KMT5B: variants seen among roughly 807,000 people sequenced by gnomAD.
KMT5B encodes the protein histone-lysine N-methyltransferase KMT5B.
Under a neutral mutation model 83.2 loss-of-function variants are expected in KMT5B, and 10 were observed. The ratio of observed to expected loss-of-function variants is 0.12; its 90% CI spans 0.07 to 0.20. The LOEUF is 0.20. Among genes scored for constraint, KMT5B ranks in the 10% least tolerant of loss-of-function variants. The probability of loss-of-function intolerance (pLI) is 1.00; values close to 1 mark genes in which losing one functional copy is unlikely to be tolerated. For missense variants in KMT5B, 753 were observed against 1,067.2 expected (o/e 0.71, Z 4.10); for synonymous variants, 349 against 388.8 (o/e 0.90, Z 1.20).
chr11:68,213,311 C>T (rs913738294), upstream of KMT5B: 1 of 147,992 alleles, frequency 6.8e-6, no homozygotes. Flanking sequence ...GCGCGGGCCG[C>T]AGCACCGCTC....
intron 1 of KMT5B, among the ~76,000 whole-genome samples, chr11:68,207,239 G>C (rs1043559179): frequency 2.0e-5 from 3 of 151,406 alleles, no homozygotes; most frequent in African/African-American, 7.3e-5. Context: ...ATCATGCCAA[G>C]CTACATCTCC....
At chr11:68,191,688 T>C (rs763692817) in intron 1 of KMT5B, among the ~76,000 whole-genome samples, 1 of 152,092 alleles carries the variant, frequency 6.6e-6, no homozygotes, top group East Asian at 1.9e-4. Flanking sequence ...AGTATTACCA[T>C]AAAAGAGTCA....
chr11:68,203,347 T>G lies in KMT5B; in HGVS notation c.-77+9791A>C, dbSNP rs1368865507. On this transcript the variant is annotated intron_variant, in intron 1 of 10. Coordinates refer to ENST00000304363, the MANE Select transcript of KMT5B (RefSeq NM_017635.5). ...CCATTCATATCACCTTCCCTTTCTA[T>G]TCTCAAACCAACTGCTACACATAAG... Among the ~76,000 whole-genome samples the G allele has an allele frequency of 2.0e-5, 3 of 152,370 alleles. No homozygotes were observed. In the East Asian group the frequency reaches 5.8e-4, roughly 29 times the overall value.
At chr11:68,163,112 T>C (rs1380816065) in intron 10 of KMT5B, among the ~76,000 whole-genome samples, 1 of 152,254 alleles carries the variant, frequency 6.6e-6, no homozygotes, top group African/African-American at 2.4e-5. Context: ...GAGCTTGCTG[T>C]GGCACTTATA....
chr11:68,172,470 C>T (rs1855931687), intron 6 of KMT5B, among the ~76,000 whole-genome samples: 1 of 151,794 alleles, frequency 6.6e-6, no homozygotes, highest in Admixed American at 6.6e-5. Flanking sequence ...TTCTTGACGT[C>T]ATGATCCGCC....
At chr11:68,159,290 G>A (rs536940981) in intron 10 of KMT5B, 119 bp from the exon 11 acceptor site, 17 of 1,373,782 alleles carry the variant, frequency 1.2e-5, no homozygotes, top group South Asian at 1.8e-5. Context: ...CCAACACCAC[G>A]GCTCCTGCTG....
chr11:68,212,816 G>C (rs367642150), intron 1 of KMT5B: 1 of 152,032 alleles, frequency 6.6e-6, no homozygotes, highest in African/African-American at 2.4e-5. Context: ...TTGGAGAAAA[G>C]GGAAAACAGA....
intron 3 of KMT5B, among the ~76,000 whole-genome samples, chr11:68,181,300 C>G (rs1434530634): frequency 6.6e-6 from 1 of 152,114 alleles, no homozygotes; most frequent in Non-Finnish European, 1.5e-5. Context: ...GTGTCGAACA[C>G]CTGACCTCGT....
At chr11:68,193,870 GGCTCACT>G (rs1262294316) in intron 1 of KMT5B, among the ~76,000 whole-genome samples, 2 of 150,242 alleles carry the variant, frequency 1.3e-5, no homozygotes, top group Non-Finnish European at 3.0e-5. Flanking sequence ...GTGTGATGAT[GGCTCACT>G]GTGGCCTCAA....
At chr11:68,175,464 T>A (rs2153056252) in intron 4 of KMT5B, among the ~76,000 whole-genome samples, 1 of 152,346 alleles carries the variant, frequency 6.6e-6, no homozygotes, top group African/African-American at 2.4e-5. Context: ...TTATTTTAAT[T>A]ATTTTTATTT....
chr11:68,157,674 T>A lies in KMT5B; in HGVS notation c.*14A>T. On this transcript the variant is annotated 3_prime_UTR_variant, in exon 11 of 11. Transcript: ENST00000304363. ...TTTAAAGTAGTTATCCCAGGTCAAG[T>A]TAAGACCAAGAGCTTAGGCATTAAG... 6.5e-7 allele frequency: 1 copy of A among 1,527,568 alleles called. No homozygotes were observed. The highest frequency in any genetic ancestry group is 1.3e-5 in the South Asian group (1 of 76,502). The allele number at this position is 1,527,568 out of a possible 1,614,324, so 94.6% of individuals were successfully genotyped here.
chr11:68,164,993 ATAGT>A (rs1281646607), intron 10 of KMT5B, among the ~76,000 whole-genome samples: 9 of 151,698 alleles, frequency 5.9e-5, no homozygotes, highest in Admixed American at 1.3e-4. Context: ...ATAAATATTA[ATAGT>A]TAAATATTAG....
chr11:68,188,436 C>G lies in KMT5B; in HGVS notation c.160+1481G>C, dbSNP rs1432647976. ...CTCGGCTCACTGCAACCTCTAACTC[C>G]TGGGCTCAAGTGATCTTTCCAACCA... is the stretch of plus-strand genomic sequence containing the variant. On this transcript the variant is annotated intron_variant, in intron 2 of 10. Coordinates refer to ENST00000304363, the MANE Select transcript of KMT5B (RefSeq NM_017635.5). Among the ~76,000 whole-genome samples, 5 of 149,642 alleles carry G rather than the reference C, an allele frequency of 3.3e-5. No homozygotes were observed. In the East Asian group the frequency reaches 9.9e-4, roughly 30 times the overall value.
At chr11:68,184,392 T>A (rs1857233274) in intron 3 of KMT5B, among the ~76,000 whole-genome samples, 1 of 152,044 alleles carries the variant, frequency 6.6e-6, no homozygotes, top group South Asian at 2.1e-4. Context: ...GAAAAAAAAA[T>A]TTATGAAAAA....
At chr11:68,210,543 T>G (rs1435730630) in intron 1 of KMT5B, among the ~76,000 whole-genome samples, 1 of 151,684 alleles carries the variant, frequency 6.6e-6, no homozygotes, top group Non-Finnish European at 1.5e-5. Context: ...GAGCAGAGAA[T>G]GGAATAAGAA....
At chr11:68,193,001 G>C (rs1305363259) in intron 1 of KMT5B, among the ~76,000 whole-genome samples, 1 of 152,128 alleles carries the variant, frequency 6.6e-6, no homozygotes, top group African/African-American at 2.4e-5. Context: ...TTGGAAATGA[G>C]GATATTATAC....
At chr11:68,207,000 T>G (rs1407310367) in intron 1 of KMT5B, among the ~76,000 whole-genome samples, 2 of 151,914 alleles carry the variant, frequency 1.3e-5, no homozygotes, top group Non-Finnish European at 2.9e-5. Flanking sequence ...CCCAGCACTT[T>G]GGGAGGCTGA....
In KMT5B at chr11:68,179,741, T is replaced by C. The variant is rs1371667425; in HGVS notation, c.377+391A>G. 5.2e-6 allele frequency: 4 copies of C among 765,694 alleles called. No homozygotes were observed. In the Admixed American group the frequency reaches 1.7e-4, roughly 32 times the overall value. 47.4% of individuals were successfully genotyped at this position (765,694 alleles called of 1,614,324 possible). A position where few individuals can be genotyped will look rare whatever the true frequency, so the allele number is the denominator to read the frequency against. On this transcript the variant is annotated intron_variant, in intron 4 of 10. Coordinates refer to ENST00000304363, the MANE Select transcript of KMT5B (RefSeq NM_017635.5). ...ACCATGAGGCAACATAGTGAACACATTTCCCCCTCTGAAGAAAGTTTAGCT... is the reference window on the plus strand; with the variant it reads ...ACCATGAGGCAACATAGTGAACACACTTCCCCCTCTGAAGAAAGTTTAGCT...
intron 1 of KMT5B, among the ~76,000 whole-genome samples, chr11:68,193,315 T>C (rs569719162): frequency 1.3e-5 from 2 of 152,242 alleles, no homozygotes; most frequent in African/African-American, 2.4e-5. Flanking sequence ...CACAAACACA[T>C]AGAAAAGTAC....
Sources: gnomAD v4.1 joint callset for allele counts (sites outside exome capture counted in the v4.1 genomes callset) on GRCh38, gnomAD v4.1.1 for gene constraint, MANE v1.5 for transcripts, NCBI Gene and HGNC (gene_info 2026-07-23, HGNC 2026-07-21) for gene names.